PTPRM: variants seen among roughly 807,000 people sequenced by gnomAD.
PTPRM encodes the protein receptor-type tyrosine-protein phosphatase mu.
In PTPRM, 47 loss-of-function variants were observed where a neutral mutation model predicts 186.7. The ratio of observed to expected loss-of-function variants is 0.25; its 90% CI spans 0.20 to 0.32. The LOEUF is 0.32. Among genes scored for constraint, PTPRM ranks in the 10% least tolerant of loss-of-function variants. The probability of loss-of-function intolerance (pLI) is 1.00; values close to 1 mark genes in which losing one functional copy is unlikely to be tolerated. For missense variants in PTPRM, 1,494 were observed against 1,865.0 expected (o/e 0.80, Z 3.66); for synonymous variants, 668 against 674.9 (o/e 0.99, Z 0.16).
intron 19 of PTPRM, among the ~76,000 whole-genome samples, chr18:8,259,138 G>A (rs1331431765): frequency 6.6e-6 from 1 of 151,948 alleles, no homozygotes; most frequent in African/African-American, 2.4e-5. Context: ...TAGTAGAGAT[G>A]GATTTTCGCC....
intron 14 of PTPRM, among the ~76,000 whole-genome samples, chr18:8,222,582 G>A (rs527811203): frequency 3.3e-5 from 5 of 152,286 alleles, no homozygotes; most frequent in Admixed American, 6.5e-5. Context: ...TCATCTGAGC[G>A]GGGACAGAGA....
chr18:8,233,295 G>A (rs1037608315), intron 14 of PTPRM, among the ~76,000 whole-genome samples: 20 of 152,190 alleles, frequency 1.3e-4, no homozygotes, highest in African/African-American at 4.8e-4. Context: ...CAATGAATGA[G>A]GAGTCTTGTT....
intron 7 of PTPRM, among the ~76,000 whole-genome samples, chr18:8,001,134 G>A (rs1157776006): frequency 1.3e-5 from 2 of 152,222 alleles, no homozygotes; most frequent in African/African-American, 2.4e-5. Flanking sequence ...GCATGTGCCT[G>A]AAGTCATGGG....
intron 7 of PTPRM, among the ~76,000 whole-genome samples, chr18:8,028,847 A>G (rs2085749120): frequency 6.6e-6 from 1 of 152,220 alleles, no homozygotes. Context: ...TAGTCATGAC[A>G]GTGTCTCCTT....
intron 1 of PTPRM, among the ~76,000 whole-genome samples, chr18:7,750,743 G>C (rs879840842): frequency 6.6e-6 from 1 of 152,038 alleles, no homozygotes; most frequent in South Asian, 2.1e-4. Flanking sequence ...CTTTGCTTTC[G>C]TATGAGTACA....
chr18:8,231,107 T>A (rs1307996467), intron 14 of PTPRM, among the ~76,000 whole-genome samples: 1 of 152,220 alleles, frequency 6.6e-6, no homozygotes, highest in Non-Finnish European at 1.5e-5. Context: ...CCTGTAGTAT[T>A]TGAAAAACAC....
chr18:8,092,900 A>G (rs1467107273), intron 11 of PTPRM, among the ~76,000 whole-genome samples: 2 of 152,124 alleles, frequency 1.3e-5, no homozygotes, highest in Non-Finnish European at 2.9e-5. Context: ...GTGTGTGCCT[A>G]TACTCAGGAG....
intron 2 of PTPRM, among the ~76,000 whole-genome samples, chr18:7,885,882 G>A (rs1187939132): frequency 6.6e-6 from 1 of 152,170 alleles, no homozygotes; most frequent in East Asian, 1.9e-4. Context: ...TTCCTTAACA[G>A]TAATGGTAGA....
At chr18:8,108,560 A>G (rs1478026733) in intron 11 of PTPRM, among the ~76,000 whole-genome samples, 1 of 152,220 alleles carries the variant, frequency 6.6e-6, no homozygotes, top group Non-Finnish European at 1.5e-5. Flanking sequence ...CTCGAAAGTT[A>G]GGAAAAAACT....
At chr18:7,657,702 C>G (rs902666175) in intron 1 of PTPRM, among the ~76,000 whole-genome samples, 1 of 152,102 alleles carries the variant, frequency 6.6e-6, no homozygotes, top group Non-Finnish European at 1.5e-5. Context: ...CAAGATGGAC[C>G]GAAATTTTCA....
At chr18:8,208,544 C>G (rs1315850304) in intron 14 of PTPRM, among the ~76,000 whole-genome samples, 6 of 151,370 alleles carry the variant, frequency 4.0e-5, no homozygotes, top group Non-Finnish European at 8.8e-5. Context: ...CAGGGTCTCA[C>G]TCTGTCACCT....
chr18:7,769,271 G>A (rs890657813), intron 1 of PTPRM, among the ~76,000 whole-genome samples: 3 of 152,046 alleles, frequency 2.0e-5, no homozygotes, highest in Non-Finnish European at 4.4e-5. Flanking sequence ...CTGGATGCCT[G>A]GATTCAAGTA....
intron 7 of PTPRM, among the ~76,000 whole-genome samples, chr18:7,996,303 G>A (rs2147704471): frequency 6.6e-6 from 1 of 152,092 alleles, no homozygotes; most frequent in African/African-American, 2.4e-5. Context: ...AAAGACAAAA[G>A]TCATATGATC....
chr18:7,624,364 G>A lies in PTPRM; in HGVS notation c.73+56473G>A, dbSNP rs371857484. On this transcript the variant is annotated intron_variant, in intron 1 of 32. Coordinates refer to ENST00000580170, the MANE Select transcript of PTPRM (RefSeq NM_001105244.2). ...CCCCTAGTTATCTAGTTTGAAATCA[G>A]TTAGCCTCTACTGAACTATGAGGAT... is the stretch of plus-strand genomic sequence containing the variant. Among the ~76,000 whole-genome samples, 5 of 152,152 alleles carry A rather than the reference G, an allele frequency of 3.3e-5. 1 individual carries two copies. The East Asian group carries it at 7.7e-4, about 23-fold the overall frequency.
intron 2 of PTPRM, among the ~76,000 whole-genome samples, chr18:7,847,328 G>A (rs2145900529): frequency 6.6e-6 from 1 of 151,862 alleles, no homozygotes; most frequent in East Asian, 1.9e-4. Context: ...CACCACACCT[G>A]GCTAATTTTT....
chr18:8,102,292 G>A (rs1005557579), intron 11 of PTPRM, among the ~76,000 whole-genome samples: 2 of 152,150 alleles, frequency 1.3e-5, no homozygotes, highest in East Asian at 3.9e-4. Flanking sequence ...AATGAAATTT[G>A]CCACATCAGT....
chr18:8,232,615 C>G (rs1025752901), intron 14 of PTPRM, among the ~76,000 whole-genome samples: 5 of 152,142 alleles, frequency 3.3e-5, no homozygotes, highest in Non-Finnish European at 7.4e-5. Flanking sequence ...TGTCCGCCTC[C>G]CAGGCTCAAG....
chr18:7,637,080 A>G (rs1567997399), intron 1 of PTPRM, among the ~76,000 whole-genome samples: 2 of 151,350 alleles, frequency 1.3e-5, no homozygotes, highest in Admixed American at 6.6e-5. Context: ...AGGCACAAGA[A>G]TCACTTGAAC....
At chr18:8,011,655 A>C (rs991552601) in intron 7 of PTPRM, among the ~76,000 whole-genome samples, 1 of 152,200 alleles carries the variant, frequency 6.6e-6, no homozygotes, top group Non-Finnish European at 1.5e-5. Flanking sequence ...TCCAATGCAA[A>C]GGCAGACTTT....
Sources: allele counts gnomAD v4.1 joint callset (sites outside exome capture counted in the v4.1 genomes callset), GRCh38; gene constraint gnomAD v4.1.1; transcripts MANE v1.5; gene names NCBI Gene and HGNC (gene_info 2026-07-23, HGNC 2026-07-21).